DNAH5: variants seen among roughly 807,000 people sequenced by gnomAD.
The protein encoded by DNAH5 is dynein axonemal heavy chain 5, also known as axonemal beta dynein heavy chain 5.
In DNAH5, 372 loss-of-function variants were observed where a neutral mutation model predicts 518.2. The observed-to-expected ratio is 0.72, with a 90% CI of 0.66 to 0.78. The LOEUF (loss-of-function observed/expected upper bound fraction) is 0.78, where lower values mean the gene tolerates loss of function less well. Ranked by LOEUF, DNAH5 falls within the 30% of genes least tolerant of loss-of-function variation. The probability of loss-of-function intolerance (pLI) is 0.00; values close to 1 mark genes in which losing one functional copy is unlikely to be tolerated. For synonymous variants in DNAH5, 2,039 were observed against 2,025.9 expected, an observed-to-expected ratio of 1.01 and a Z score of -0.17; for missense variants, 5,523 against 5,687.0, an observed-to-expected ratio of 0.97 and a Z score of 0.93.
chr5:13,807,790 C>T, intron 46 of DNAH5, 65 bp from the exon 47 acceptor site: 2 of 1,405,748 alleles, frequency 1.4e-6, no homozygotes, highest in Non-Finnish European at 2.0e-6. Context: ...TGAATTTGTC[C>T]CCCCAAAATT....
At chr5:13,781,689 C>A (rs750420184) in intron 52 of DNAH5, among the ~76,000 whole-genome samples, 1 of 152,072 alleles carries the variant, frequency 6.6e-6, no homozygotes, top group Non-Finnish European at 1.5e-5. Flanking sequence ...CGCCTCCCAC[C>A]GTGATTCTGA....
chr5:13,976,052 A>T (rs112658991), intron 1 of DNAH5, among the ~76,000 whole-genome samples: 2,367 of 152,330 alleles, frequency 0.016, 71 homozygotes, highest in African/African-American at 0.054. Context: ...TTAAAAAAGA[A>T]CTAAGTTCTG....
At chr5:13,764,914 A>T (rs72732617) in intron 59 of DNAH5, among the ~76,000 whole-genome samples, 16,583 of 152,204 alleles carry the variant, frequency 0.11, 1,042 homozygotes, top group East Asian at 0.33. Context: ...AACTTGTTAG[A>T]CTCCGCCATT....
intron 35 of DNAH5, among the ~76,000 whole-genome samples, chr5:13,836,579 G>GA (rs769610287): frequency 8.7e-4 from 133 of 152,264 alleles, no homozygotes; most frequent in Non-Finnish European, 1.8e-4. Flanking sequence ...CGAGATCCAG[G>GA]AAAAAACACT....
intron 1 of DNAH5, among the ~76,000 whole-genome samples, chr5:13,969,957 T>C (rs1781764785): frequency 6.6e-6 from 1 of 152,214 alleles, no homozygotes; most frequent in Non-Finnish European, 1.5e-5. Flanking sequence ...AGTAATTGTT[T>C]TATAAATTTG....
At chr5:13,876,658 C>T (rs1204611669) in intron 22 of DNAH5, 26 bp downstream of exon 22, 1 of 1,609,770 alleles carries the variant, frequency 6.2e-7, no homozygotes, top group East Asian at 2.2e-5. Context: ...AGCAAAAGGT[C>T]CGGCTGCCAG....
chr5:13,976,413 T>C (rs557451607), intron 1 of DNAH5, among the ~76,000 whole-genome samples: 3 of 152,258 alleles, frequency 2.0e-5, no homozygotes, highest in African/African-American at 7.2e-5. Context: ...AGGAGGTGAA[T>C]CATCCCTTTG....
At chr5:14,007,534 G>C (rs1784802680) in intron 1 of DNAH5, among the ~76,000 whole-genome samples, 1 of 152,182 alleles carries the variant, frequency 6.6e-6, no homozygotes, top group South Asian at 2.1e-4. Flanking sequence ...GATGACCTAT[G>C]GGAGTCTGAT....
At chr5:13,724,029 C>T (rs918782090) in intron 70 of DNAH5, among the ~76,000 whole-genome samples, 1 of 152,294 alleles carries the variant, frequency 6.6e-6, no homozygotes, top group African/African-American at 2.4e-5. Context: ...GCTCAGCAAT[C>T]CCAGGGAAGG....
At chr5:13,779,040 A>T (rs1255988920) in intron 53 of DNAH5, among the ~76,000 whole-genome samples, 1 of 152,228 alleles carries the variant, frequency 6.6e-6, no homozygotes, top group Non-Finnish European at 1.5e-5. Flanking sequence ...GGCAAGCCAT[A>T]GCCTCTCTGA....
rs1579905639 is a variant in DNAH5 at position 13,720,991 on chromosome 5, C to A, written c.12279+9G>T. 1.9e-6 allele frequency: 3 copies of A among 1,614,064 alleles called. No homozygotes were observed. The South Asian group carries it at 3.3e-5, about 18-fold the overall frequency. On this transcript the variant is annotated intron_variant, in intron 71 of 78. Transcript: ENST00000265104. ...CAGCATGGCACAAAAGTAGACTATT[C>A]AGCCTTACGTTCGCCATGGTCTGCT...
chr5:13,712,087 G>A (rs772145559), intron 75 of DNAH5, among the ~76,000 whole-genome samples: 1 of 151,728 alleles, frequency 6.6e-6, no homozygotes, highest in Non-Finnish European at 1.5e-5. Flanking sequence ...CAAATCAGGA[G>A]GCATCATACA....
intron 47 of DNAH5, among the ~76,000 whole-genome samples, chr5:13,803,878 A>T (rs1759150694): frequency 6.6e-6 from 1 of 152,222 alleles, no homozygotes; most frequent in Admixed American, 6.5e-5. Flanking sequence ...GGTCCAAAAA[A>T]CACTGTGGAA....
At chr5:13,736,055 C>A in intron 66 of DNAH5, 123 bp from the exon 67 acceptor site, 1 of 743,068 alleles carries the variant, frequency 1.3e-6, no homozygotes, top group Non-Finnish European at 2.4e-6. Flanking sequence ...GGCTGCCTAC[C>A]AGATACGGGA....
chr5:13,800,634 G>C (rs1758604208), intron 47 of DNAH5, among the ~76,000 whole-genome samples: 1 of 152,178 alleles, frequency 6.6e-6, no homozygotes, highest in Admixed American at 6.5e-5. Flanking sequence ...CCTGACTGCA[G>C]TCAATCCTGG....
At chr5:13,829,312 G>A (rs189334995) in intron 38 of DNAH5, among the ~76,000 whole-genome samples, 198 bp downstream of exon 38, 4 of 151,202 alleles carry the variant, frequency 2.6e-5, no homozygotes, top group Admixed American at 1.3e-4. Context: ...TTTCTATGCT[G>A]TAAATATTAA....
intron 24 of DNAH5, among the ~76,000 whole-genome samples, chr5:13,869,323 A>AG (rs1355030795): frequency 9.8e-5 from 3 of 30,636 alleles, no homozygotes; most frequent in Non-Finnish European, 2.3e-4. Context: ...TTACAACTGG[A>AG]GTTTTTTTTA....
At chr5:13,967,645 GT>G (rs1193873389) in intron 1 of DNAH5, among the ~76,000 whole-genome samples, 1 of 151,820 alleles carries the variant, frequency 6.6e-6, no homozygotes, top group Non-Finnish European at 1.5e-5. Context: ...TTGTTTGTTT[GT>G]TTTTTGCTGA....
rs553934473 is a variant in DNAH5, at chr5:13,730,142, T to C, written c.11762-582A>G. On this transcript the variant is annotated intron_variant, in intron 68 of 78. Coordinates refer to ENST00000265104, the MANE Select transcript of DNAH5 (RefSeq NM_001369.3). ...GCTGTGTCACTTATGCCTGTGGTTA[T>C]ACCCTAAGCTAACCACAACAAACAT... Among the ~76,000 whole-genome samples, 4 of 152,340 alleles carry C rather than the reference T, an allele frequency of 2.6e-5. No individual in the cohort carries two copies. The East Asian group carries it at 7.7e-4, about 29-fold the overall frequency.
Sources: gnomAD v4.1 joint callset for allele counts (sites outside exome capture counted in the v4.1 genomes callset) on GRCh38, gnomAD v4.1.1 for gene constraint, MANE v1.5 for transcripts, NCBI Gene and HGNC (gene_info 2026-07-23, HGNC 2026-07-21) for gene names.